The following FIGLA variants were observed in gnomAD, a reference collection of about 807,000 sequenced individuals.
FIGLA encodes factor in the germline alpha.
In FIGLA, 17 loss-of-function variants were observed where a neutral mutation model predicts 21.5. The observed-to-expected ratio is 0.79, with a 90% CI of 0.54 to 1.19. The LOEUF (loss-of-function observed/expected upper bound fraction) is 1.19. Among genes scored for constraint, FIGLA ranks in the 50% most tolerant of loss-of-function variants. FIGLA has a pLI of 0.00. For synonymous variants in FIGLA, 129 were observed against 117.6 expected, an observed-to-expected ratio of 1.10 and a Z score of -0.63; for missense variants, 282 against 285.0, an observed-to-expected ratio of 0.99 and a Z score of 0.08.
At position 70,788,848 on chromosome 2, in the gene FIGLA, A is replaced by G. The variant is rs112101825; in HGVS notation, c.232-1047T>C. ...AATTAGTAAACCTATCTAGAAAGCA[A>G]TTGGGTAACTTGTATCAAAAGCCAT... On this transcript the variant is annotated intron_variant, in intron 1 of 4. Coordinates refer to ENST00000332372, the MANE Select transcript of FIGLA (RefSeq NM_001004311.3). Among the ~76,000 whole-genome samples, 1,173 of 152,334 alleles carry G rather than the reference A, an allele frequency of 7.7e-3. 10 individuals carry two copies. Among genetic ancestry groups the G allele is most frequent in the African/African-American group, 0.027 (1,103 of 41,568 alleles).
intron 3 of FIGLA, among the ~76,000 whole-genome samples, chr2:70,782,285 G>T (rs1451003436): frequency 6.6e-6 from 1 of 152,172 alleles, no homozygotes; most frequent in Non-Finnish European, 1.5e-5. Flanking sequence ...GCAATGAGTA[G>T]AAAACAGCAT....
At position 70,789,613 on chromosome 2, in the gene FIGLA, G is replaced by T. The variant is rs1285870268; in HGVS notation, c.231+795C>A. The stretch of plus-strand genomic sequence containing the variant: ...GCCCCGGGCGGTACTTCTCTCCCCA[G>T]TCCCAGTCCTGAACGTGCGCTCTGC... On this transcript the variant is annotated intron_variant, in intron 1 of 4. Transcript: ENST00000332372. Among the ~76,000 whole-genome samples the T allele has an allele frequency of 3.3e-5, 5 of 152,254 alleles. No individual in the cohort carries two copies. In the South Asian group the frequency reaches 6.2e-4, roughly 19 times the overall value.
chr2:70,790,374 G>T (rs782137548), intron 1 of FIGLA, 34 bp downstream of exon 1: 5 of 1,492,852 alleles, frequency 3.3e-6, no homozygotes, highest in East Asian at 2.8e-5. Context: ...AGCAGGGAAG[G>T]GGGGAACGGA....
At chr2:70,779,211 G>A (rs1028778879) in intron 3 of FIGLA, among the ~76,000 whole-genome samples, 24 of 152,184 alleles carry the variant, frequency 1.6e-4, no homozygotes, top group Non-Finnish European at 2.5e-4. Flanking sequence ...GTGCAGGAAG[G>A]AGTGGGGAGG....
intron 3 of FIGLA, among the ~76,000 whole-genome samples, chr2:70,780,711 G>A (rs1014479610): frequency 6.6e-6 from 1 of 152,170 alleles, no homozygotes; most frequent in Non-Finnish European, 1.5e-5. Context: ...GTACTTCAAA[G>A]AAAATGCGAG....
At chr2:70,790,031 G>A (rs1286992876) in intron 1 of FIGLA, among the ~76,000 whole-genome samples, 1 of 152,192 alleles carries the variant, frequency 6.6e-6, no homozygotes, top group African/African-American at 2.4e-5. Context: ...CGCGTCCCAA[G>A]CACCCACCAG....
Position 70,790,602 on chromosome 2 carries a change from C to T in FIGLA, c.37G>A (p.Ala13Thr), listed in dbSNP as rs1558600580. 3 of 1,469,564 alleles carry T rather than the reference C, an allele frequency of 2.0e-6. No homozygotes were observed. Among genetic ancestry groups the T allele is most frequent in the East Asian group, 2.8e-5 (1 of 35,250 alleles). The allele number at this position is 1,469,564 out of a possible 1,614,324, so 91.0% of individuals were successfully genotyped here. Residue 13 changes from alanine to threonine, a missense_variant, in exon 1 of 5, where the codon GCG (alanine) becomes ACG (threonine). Physicochemically the swap from Ala to Thr is moderately conservative, Grantham distance 58. Transcript: ENST00000332372. ...PAPGVLDPRA[A>T]PPALLGTPQA... ...GGGGTGCCCAGGAGCGCGGGCGGCG[C>T]GGCGCGGGGATCTAGGACGCCGGGC...
At chr2:70,790,301 T>A (rs1676036803) in intron 1 of FIGLA, 107 bp downstream of exon 1, 1 of 1,224,936 alleles carries the variant, frequency 8.2e-7, no homozygotes, top group Non-Finnish European at 1.1e-6. Flanking sequence ...GAGCTCGAAG[T>A]CGCCTCGAGC....
intron 3 of FIGLA, among the ~76,000 whole-genome samples, chr2:70,780,695 CA>C (rs1232577188): frequency 3.9e-5 from 6 of 152,204 alleles, no homozygotes; most frequent in African/African-American, 1.2e-4. Flanking sequence ...GACGGCTGCA[CA>C]GTAGGTACTT....
chr2:70,790,373 G>T, intron 1 of FIGLA, 35 bp downstream of exon 1: 3 of 1,490,966 alleles, frequency 2.0e-6, no homozygotes, highest in Non-Finnish European at 2.7e-6. Flanking sequence ...GAGCAGGGAA[G>T]GGGGGAACGG....
chr2:70,790,510 G>A lies in FIGLA; in HGVS notation c.129C>T (p.Val43=), dbSNP rs1291922135. ...QFGPLPQLAA[V]CRLKRLPSGG... is the part of the protein sequence containing the mutation. ...CCGAGGGCAGCCGCTTGAGCCGGCA[G>A]ACAGCGGCCAGCTGGGGCAGCGGCC... Residue 43 remains valine, a synonymous_variant, in exon 1 of 5, where the codon GTC becomes GTT. Transcript: ENST00000332372. 114 of 1,541,898 alleles carry A rather than the reference G, an allele frequency of 7.4e-5. No individual in the cohort carries two copies. Among genetic ancestry groups the A allele is most frequent in the Non-Finnish European group, 8.8e-5 (101 of 1,146,426 alleles).
Position 70,785,752 on chromosome 2 carries a change from C to T in FIGLA, c.385-113G>A, listed in dbSNP as rs1425231513. 3.8e-6 allele frequency: 3 copies of T among 787,852 alleles called. No individual in the cohort carries two copies. The East Asian group carries it at 7.3e-5, about 19-fold the overall frequency. The allele number at this position is 787,852 out of a possible 1,614,324, so 48.8% of individuals were successfully genotyped here. A position where few individuals can be genotyped will look rare whatever the true frequency, so the allele number is the denominator to read the frequency against. On this transcript the variant is annotated intron_variant, in intron 2 of 4. Coordinates refer to ENST00000332372, the MANE Select transcript of FIGLA (RefSeq NM_001004311.3). ...TGAGGTTTCATTTAAATGATAAGGG[C>T]AATGCTTAAGTCATTATGGAGAGAA...
At chr2:70,777,497 A>T in intron 4 of FIGLA, 115 bp from the exon 5 acceptor site, 1 of 1,379,292 alleles carries the variant, frequency 7.3e-7, no homozygotes, top group Non-Finnish European at 9.8e-7. Context: ...GTTTAAATTT[A>T]AAGATACTAC....
Position 70,790,482 on chromosome 2 carries a change from C to G in FIGLA, c.157G>C (p.Gly53Arg). The G allele has an allele frequency of 6.5e-7, 1 of 1,544,228 alleles. No homozygotes were observed. The highest frequency in any genetic ancestry group is 8.7e-7 in the Non-Finnish European group (1 of 1,146,198). Reference sequence around the variant, plus strand: ...TGGAGGTTTTCAGTGGACGAGTAGCCGCCCGAGGGCAGCCGCTTGAGCCGG... The same window carrying G: ...TGGAGGTTTTCAGTGGACGAGTAGCGGCCCGAGGGCAGCCGCTTGAGCCGG... ...VCRLKRLPSG[G>R]YSSTENLQLV... The change falls in exon 1 of 5, where the codon GGC becomes CGC. Residue 53 changes from glycine (G) to arginine (R), a missense_variant. Coordinates refer to ENST00000332372, the MANE Select transcript of FIGLA (RefSeq NM_001004311.3).
rs10540498 is a variant in FIGLA, at chr2:70,789,156, T to TTATATA, written c.231+1246_231+1251dup. Among the ~76,000 whole-genome samples, 16 of 150,204 alleles carry TTATATA rather than the reference T, an allele frequency of 1.1e-4. No individual in the cohort carries two copies. In the South Asian group the frequency reaches 3.2e-3, roughly 30 times the overall value. On this transcript the variant is annotated intron_variant, in intron 1 of 4. Transcript: ENST00000332372. ...ATATGTACTGAATATTTTGTAAAAATTATATATATATATATATGAATACAC... is the reference window on the plus strand; with the variant it reads ...ATATGTACTGAATATTTTGTAAAAATTATATATATATATATATATATATGAATACAC...
At chr2:70,777,572 A>T in intron 4 of FIGLA, 65 bp downstream of exon 4, 2 of 1,569,462 alleles carry the variant, frequency 1.3e-6, no homozygotes, top group Non-Finnish European at 1.7e-6. Flanking sequence ...TGGAATTAGC[A>T]CTCTTATTAT....
chr2:70,784,395 G>C (rs150900603), intron 3 of FIGLA, among the ~76,000 whole-genome samples: 11 of 152,308 alleles, frequency 7.2e-5, no homozygotes, highest in African/African-American at 2.4e-4. Flanking sequence ...TCCAAGTGAC[G>C]TGACAGGTAT....
chr2:70,789,695 C>G (rs1676022914), intron 1 of FIGLA, among the ~76,000 whole-genome samples: 1 of 152,204 alleles, frequency 6.6e-6, no homozygotes, highest in Non-Finnish European at 1.5e-5. Context: ...TGCAACCAAA[C>G]CCGTAGACTG....
chr2:70,785,817 C>G (rs1375643248), intron 2 of FIGLA, among the ~76,000 whole-genome samples, 178 bp from the exon 3 acceptor site: 1 of 152,166 alleles, frequency 6.6e-6, no homozygotes, highest in Non-Finnish European at 1.5e-5. Flanking sequence ...CTCCTATCAT[C>G]TTAAAATGTT....
Sources: gnomAD v4.1 joint callset for allele counts (sites outside exome capture counted in the v4.1 genomes callset) on GRCh38, gnomAD v4.1.1 for gene constraint, MANE v1.5 for transcripts, NCBI Gene and HGNC (gene_info 2026-07-23, HGNC 2026-07-21) for gene names.